Variants in LPCAT1 observed in about 807,000 individuals in gnomAD.
LPCAT1 encodes lysophosphatidylcholine acyltransferase 1.
In LPCAT1, 23 loss-of-function variants were observed where a neutral mutation model predicts 60.9. The observed-to-expected ratio is 0.38, with a 90% CI of 0.27 to 0.53. LPCAT1 has a LOEUF of 0.53. LPCAT1 is among the 20% of genes least tolerant of loss of function. The probability of loss-of-function intolerance (pLI) is 0.82; values close to 1 mark genes in which losing one functional copy is unlikely to be tolerated. For synonymous variants in LPCAT1, 340 were observed against 301.1 expected (o/e 1.13, Z -1.34); for missense variants, 622 against 723.6 (o/e 0.86, Z 1.61).
chr5:1,470,773 C>A (rs757185081), intron 12 of LPCAT1, 53 bp downstream of exon 12: 3 of 1,379,190 alleles, frequency 2.2e-6, no homozygotes, highest in Non-Finnish European at 2.0e-6. Flanking sequence ...ATGGTGCTGA[C>A]GTGACTGCAC....
chr5:1,504,714 C>CAA (rs11463524), intron 1 of LPCAT1, among the ~76,000 whole-genome samples: 9,759 of 101,758 alleles, frequency 0.096, 486 homozygotes, highest in Middle Eastern at 0.13. Context: ...ATCTCCGTCC[C>CAA]AAAAAAAAAA....
At chr5:1,468,173 C>A (rs370396229) in intron 12 of LPCAT1, among the ~76,000 whole-genome samples, 1 of 152,174 alleles carries the variant, frequency 6.6e-6, no homozygotes, top group Admixed American at 6.5e-5. Flanking sequence ...CCCCATGGAC[C>A]GGGTCTGCTC....
intron 5 of LPCAT1, among the ~76,000 whole-genome samples, chr5:1,486,795 C>T (rs1014069844): frequency 2.7e-4 from 41 of 152,196 alleles, no homozygotes; most frequent in Admixed American, 2.0e-4. Flanking sequence ...GCCGGAAACC[C>T]GGGCCTGCAG....
At chr5:1,467,144 C>T (rs1184376798) in intron 12 of LPCAT1, 3 of 379,732 alleles carry the variant, frequency 7.9e-6, no homozygotes, top group Non-Finnish European at 1.4e-5. Flanking sequence ...AGACGCTGCC[C>T]ACCCCACCCG....
chr5:1,471,758 A>G (rs527447464), intron 11 of LPCAT1, among the ~76,000 whole-genome samples: 1 of 151,726 alleles, frequency 6.6e-6, no homozygotes, highest in African/African-American at 2.4e-5. Context: ...GGTGGGGAGC[A>G]CACAGGATAG....
In LPCAT1 at chr5:1,491,083, T is replaced by C. The variant is rs543285357; in HGVS notation, c.494-1225A>G. Among the ~76,000 whole-genome samples, 3 of 152,152 alleles carry C rather than the reference T, an allele frequency of 2.0e-5. No homozygotes were observed. The East Asian group carries it at 5.8e-4, about 29-fold the overall frequency. ...GAAAATTGAAGCCAAAAAAAGAAAA[T>C]TCCTTCTATCCTGTGGTTGTCTGTT... On this transcript the variant is annotated intron_variant, in intron 3 of 13. Coordinates refer to ENST00000283415, the MANE Select transcript of LPCAT1 (RefSeq NM_024830.5).
chr5:1,517,196 C>A (rs996193355), intron 1 of LPCAT1, among the ~76,000 whole-genome samples: 5 of 152,186 alleles, frequency 3.3e-5, no homozygotes, highest in African/African-American at 1.2e-4. Flanking sequence ...CCACAGGAGG[C>A]CCACAGGACT....
At chr5:1,470,604 T>C (rs578091746) in intron 12 of LPCAT1, among the ~76,000 whole-genome samples, 1 of 152,354 alleles carries the variant, frequency 6.6e-6, no homozygotes, top group Non-Finnish European at 1.5e-5. Context: ...ACCTCAGCCA[T>C]GCTTTCTGAT....
chr5:1,515,815 G>A lies in LPCAT1; in HGVS notation c.135+7895C>T, dbSNP rs535454574. Among the ~76,000 whole-genome samples, 7 of 152,206 alleles carry A rather than the reference G, an allele frequency of 4.6e-5. No individual in the cohort carries two copies. The South Asian group carries it at 1.2e-3, about 27-fold the overall frequency. The stretch of plus-strand genomic sequence containing the variant: ...TCTGTCCCCACAATTCTGGGTCTGC[G>A]CCACCATCTCCAGGGAGCCCACCAA... On this transcript the variant is annotated intron_variant, in intron 1 of 13. Transcript: ENST00000283415.
In LPCAT1 at chr5:1,472,297, C is replaced by T. The variant is rs571986200; in HGVS notation, c.1180-1373G>A. 5.9e-5 allele frequency among the ~76,000 whole-genome samples: 9 copies of T among 152,202 alleles called. No individual in the cohort carries two copies. The East Asian group carries it at 1.7e-3, about 29-fold the overall frequency. On this transcript the variant is annotated intron_variant, in intron 11 of 13. Coordinates refer to ENST00000283415, the MANE Select transcript of LPCAT1 (RefSeq NM_024830.5). Reference sequence around the variant, plus strand: ...AGGGAGGACTTTGACCAGTAGTTGCCCCTCTACGCTTGTGTCAACCACAGG... The same window carrying T: ...AGGGAGGACTTTGACCAGTAGTTGCTCCTCTACGCTTGTGTCAACCACAGG...
At chr5:1,473,768 A>G (rs1734784718) in intron 11 of LPCAT1, among the ~76,000 whole-genome samples, 189 bp downstream of exon 11, 1 of 152,230 alleles carries the variant, frequency 6.6e-6, no homozygotes, top group South Asian at 2.1e-4. Flanking sequence ...TTAAACGTCA[A>G]ATGTGTACGC....
intron 1 of LPCAT1, among the ~76,000 whole-genome samples, chr5:1,520,242 G>A (rs1480330308): frequency 6.6e-6 from 1 of 152,266 alleles, no homozygotes; most frequent in African/African-American, 2.4e-5. Context: ...GGCTGAGAGG[G>A]CGGAGTCCTG....
chr5:1,513,031 A>G (rs1736403118), intron 1 of LPCAT1, among the ~76,000 whole-genome samples: 1 of 152,166 alleles, frequency 6.6e-6, no homozygotes, highest in Non-Finnish European at 1.5e-5. Context: ...CTGAGAAATC[A>G]GGAGTAGAGA....
Position 1,477,470 on chromosome 5 carries a change from C to T in LPCAT1, c.833G>A (p.Ser278Asn). 1.2e-6 allele frequency: 2 copies of T among 1,613,920 alleles called. No individual in the cohort carries two copies. The highest frequency in any genetic ancestry group is 1.7e-6 in the Non-Finnish European group (2 of 1,179,850). The change falls in exon 9 of 14, where the codon AGC (serine) becomes AAC (asparagine). Residue 278 changes from serine to asparagine, a missense_variant. Ser to Asn is a conservative substitution (Grantham distance 46). Around this residue, in one of 3 missense-constraint regions of LPCAT1, gnomAD observed 209 missense variants for 325.5 expected, o/e 0.64. Coordinates refer to ENST00000283415, the MANE Select transcript of LPCAT1 (RefSeq NM_024830.5). The surrounding 1 kb of genome is among the most constrained non-coding windows in gnomAD (Gnocchi z 6.0). ...QVEIEFLPVY[S>N]PSEEEKRNPA... ...GTTCCTCTTCTCCTCCTCAGAAGGG[C>T]TGTACACAGGAAGGAACTGAGCACA...
At chr5:1,464,377 G>A (rs1218421463) in intron 13 of LPCAT1, among the ~76,000 whole-genome samples, 2 of 152,302 alleles carry the variant, frequency 1.3e-5, no homozygotes, top group East Asian at 3.9e-4. Flanking sequence ...AGATGGTGCA[G>A]GGGGCTGGTC....
chr5:1,487,164 A>C lies in LPCAT1; in HGVS notation c.667+1227T>G, dbSNP rs1735401853. The stretch of plus-strand genomic sequence containing the variant: ...CCAGCCCCACACCTTGTCAAGGAAC[A>C]AGACCTGACGTACTTGCCAGCTGTC... On this transcript the variant is annotated intron_variant, in intron 5 of 13. Transcript: ENST00000283415. This position sits in a 1 kb window ranked among gnomAD's most constrained non-coding sequence, Gnocchi z 6.1. Among the ~76,000 whole-genome samples the C allele has an allele frequency of 3.9e-5, 6 of 152,308 alleles. No individual in the cohort carries two copies. The South Asian group carries it at 1.0e-3, about 26-fold the overall frequency.
In LPCAT1 at chr5:1,463,232, G is replaced by GC. The variant is rs1053659225; in HGVS notation, c.*418dup. On this transcript the variant is annotated 3_prime_UTR_variant, in exon 14 of 14. Coordinates refer to ENST00000283415, the MANE Select transcript of LPCAT1 (RefSeq NM_024830.5). The stretch of plus-strand genomic sequence containing the variant: ...ATCCACAGAGGCAGACAGGTTTCGT[G>GC]CCAGAGTGACACGCAAGCGCACGCT... 1 of 166,648 alleles carries GC rather than the reference G, an allele frequency of 6.0e-6. No homozygotes were observed. Among genetic ancestry groups the GC allele is most frequent in the Admixed American group, 6.2e-5 (1 of 16,176 alleles). The allele number at this position is 166,648 out of a possible 1,614,324, so 10.3% of individuals were successfully genotyped here. A position where few individuals can be genotyped will look rare whatever the true frequency, so the allele number is the denominator to read the frequency against.
intron 1 of LPCAT1, among the ~76,000 whole-genome samples, chr5:1,512,798 T>C (rs1255147306): frequency 6.6e-6 from 1 of 152,154 alleles, no homozygotes. Context: ...AGTAAAAAGG[T>C]GTGTGAAAGA....
intron 3 of LPCAT1, among the ~76,000 whole-genome samples, 158 bp from the exon 4 acceptor site, chr5:1,490,016 G>A (rs892393110): frequency 6.6e-6 from 1 of 152,244 alleles, no homozygotes; most frequent in Non-Finnish European, 1.5e-5. Flanking sequence ...CTGACTGAGG[G>A]AACGGGAACA....
Sources: allele counts gnomAD v4.1 joint callset (sites outside exome capture counted in the v4.1 genomes callset), GRCh38; gene constraint gnomAD v4.1.1; regional missense constraint gnomAD v4.1.1; non-coding constraint Gnocchi (gnomAD v3.1); transcripts MANE v1.5; gene names NCBI Gene and HGNC (gene_info 2026-07-23, HGNC 2026-07-21).